The following EXT1 variants were observed in gnomAD, a reference collection of about 807,000 sequenced individuals.
The protein encoded by EXT1 is exostosin glycosyltransferase 1.
A neutral mutation model predicts 82.5 loss-of-function variants in EXT1; 20 were observed. The observed-to-expected ratio is 0.24, with a 90% CI of 0.17 to 0.35. The LOEUF is 0.35. EXT1 is among the 10% of genes least tolerant of loss of function. EXT1 has a pLI of 1.00. For missense variants in EXT1, 757 were observed against 936.5 expected (o/e 0.81, Z 2.50); for synonymous variants, 348 against 350.8 (o/e 0.99, Z 0.09).
intron 1 of EXT1, among the ~76,000 whole-genome samples, chr8:117,894,388 G>C (rs1813299877): frequency 6.6e-6 from 1 of 152,114 alleles, no homozygotes; most frequent in South Asian, 2.1e-4. Context: ...TCCTGTTGGT[G>C]TTGTGTATGA....
intron 1 of EXT1, among the ~76,000 whole-genome samples, chr8:117,868,781 T>C (rs1812817253): frequency 6.6e-6 from 1 of 152,088 alleles, no homozygotes; most frequent in South Asian, 2.1e-4. Flanking sequence ...GTAGAGGCTA[T>C]ATATATTCTT....
chr8:117,838,776 G>GCA (rs964989684), intron 1 of EXT1, among the ~76,000 whole-genome samples: 9 of 151,236 alleles, frequency 6.0e-5, no homozygotes, highest in East Asian at 3.9e-4. Flanking sequence ...AGAGAAATAT[G>GCA]CACACACACA....
intron 1 of EXT1, among the ~76,000 whole-genome samples, chr8:117,870,849 A>ACACAC (rs1563586218): frequency 1.3e-5 from 2 of 151,692 alleles, no homozygotes; most frequent in South Asian, 2.1e-4. Flanking sequence ...ACACACACAC[A>ACACAC]AAAGATTGAA....
chr8:117,941,727 T>C (rs1234259138), intron 1 of EXT1, among the ~76,000 whole-genome samples: 2 of 152,180 alleles, frequency 1.3e-5, no homozygotes, highest in East Asian at 3.9e-4. Flanking sequence ...CTTCTAAAAG[T>C]TTCAAACACA....
Position 117,811,411 on chromosome 8 carries a change from C to T in EXT1, c.1722+1461G>A, listed in dbSNP as rs376583960. 7.2e-5 allele frequency among the ~76,000 whole-genome samples: 11 copies of T among 152,200 alleles called. No individual in the cohort carries two copies. In the East Asian group the frequency reaches 1.5e-3, roughly 21 times the overall value. On this transcript the variant is annotated intron_variant, in intron 8 of 10. Transcript: ENST00000378204. ...GCCAACCTACACATGACACAATTGG[C>T]GGTGTGTCCACCTTTAATCCCCAAA...
intron 1 of EXT1, among the ~76,000 whole-genome samples, chr8:117,966,772 T>G (rs1458468416): frequency 6.6e-6 from 1 of 152,224 alleles, no homozygotes; most frequent in Non-Finnish European, 1.5e-5. Flanking sequence ...ACTGACAACT[T>G]TGATGATAAA....
intron 1 of EXT1, among the ~76,000 whole-genome samples, chr8:117,938,908 C>G (rs958488111): frequency 1.3e-5 from 2 of 152,200 alleles, no homozygotes; most frequent in African/African-American, 2.4e-5. Flanking sequence ...AGCACTCCAT[C>G]CTAGCACACA....
intron 1 of EXT1, among the ~76,000 whole-genome samples, chr8:117,938,910 T>A (rs1161450753): frequency 6.6e-6 from 1 of 152,250 alleles, no homozygotes; most frequent in Non-Finnish European, 1.5e-5. Flanking sequence ...CACTCCATCC[T>A]AGCACACATT....
chr8:117,823,487 T>C (rs186476329), intron 4 of EXT1, among the ~76,000 whole-genome samples: 7 of 151,722 alleles, frequency 4.6e-5, no homozygotes, highest in Admixed American at 1.3e-4. Context: ...TTTTATGTTT[T>C]CAGCAATTTT....
intron 1 of EXT1, among the ~76,000 whole-genome samples, chr8:118,002,038 T>C (rs1166674252): frequency 2.0e-5 from 3 of 152,196 alleles, no homozygotes; most frequent in East Asian, 3.8e-4. Context: ...TGAAAGACTT[T>C]TTTAGACAAA....
At chr8:117,847,734 C>A (rs1812385661) in intron 1 of EXT1, among the ~76,000 whole-genome samples, 2 of 152,216 alleles carry the variant, frequency 1.3e-5, no homozygotes, top group Non-Finnish European at 1.5e-5. Flanking sequence ...CCAGCAAGGC[C>A]AGCCTGGATC....
intron 1 of EXT1, among the ~76,000 whole-genome samples, chr8:118,008,308 G>A (rs1448838461): frequency 1.3e-5 from 2 of 152,046 alleles, no homozygotes; most frequent in Non-Finnish European, 2.9e-5. Context: ...TGCCCAGGCT[G>A]GAGTGCAGTG....
intron 1 of EXT1, among the ~76,000 whole-genome samples, chr8:117,953,739 A>G (rs1399115692): frequency 6.6e-6 from 1 of 151,894 alleles, no homozygotes; most frequent in Non-Finnish European, 1.5e-5. Context: ...TGCCTTCAAT[A>G]TTGTCATAAT....
At chr8:117,929,505 T>G (rs1002946836) in intron 1 of EXT1, among the ~76,000 whole-genome samples, 1 of 152,014 alleles carries the variant, frequency 6.6e-6, no homozygotes, top group Non-Finnish European at 1.5e-5. Context: ...AGACATGGAG[T>G]AGGAACTTAA....
intron 1 of EXT1, among the ~76,000 whole-genome samples, chr8:117,839,387 T>G (rs1315701264): frequency 6.6e-6 from 1 of 152,244 alleles, no homozygotes; most frequent in Non-Finnish European, 1.5e-5. Flanking sequence ...AATATCCCAC[T>G]GCTTAGGTGT....
intron 1 of EXT1, among the ~76,000 whole-genome samples, chr8:117,955,610 C>T (rs765802577): frequency 6.7e-6 from 1 of 150,136 alleles, no homozygotes; most frequent in Non-Finnish European, 1.5e-5. Context: ...GGCTGGAAAG[C>T]AGTGGTGTGA....
At chr8:118,068,775 T>C (rs1273917220) in intron 1 of EXT1, among the ~76,000 whole-genome samples, 1 of 152,212 alleles carries the variant, frequency 6.6e-6, no homozygotes, top group Admixed American at 6.5e-5. Context: ...CAAAATAAAT[T>C]TTAAAATAAT....
intron 1 of EXT1, among the ~76,000 whole-genome samples, chr8:117,905,770 C>A (rs764647916): frequency 2.0e-5 from 3 of 152,222 alleles, no homozygotes; most frequent in Non-Finnish European, 2.9e-5. Flanking sequence ...CGAGATCGCG[C>A]CACTGCAGTC....
chr8:118,027,313 TCACACACA>T (rs71307421), intron 1 of EXT1, among the ~76,000 whole-genome samples: 12,883 of 145,434 alleles, frequency 0.089, 777 homozygotes, highest in African/African-American at 0.17. Flanking sequence ...TCAGTTTCTT[TCACACACA>T]CACACACACA....
Sources: gnomAD v4.1 joint callset for allele counts (sites outside exome capture counted in the v4.1 genomes callset) on GRCh38, gnomAD v4.1.1 for gene constraint, MANE v1.5 for transcripts, NCBI Gene and HGNC (gene_info 2026-07-23, HGNC 2026-07-21) for gene names.